RLF: variants seen among roughly 807,000 people sequenced by gnomAD.
RLF encodes the protein zinc finger protein Rlf.
A neutral mutation model predicts 162.9 loss-of-function variants in RLF; 7 were observed. The observed-to-expected ratio is 0.04, with a 90% CI of 0.02 to 0.08. RLF has a LOEUF of 0.08. Among genes scored for constraint, RLF ranks in the 10% least tolerant of loss-of-function variants. RLF has a pLI of 1.00. For synonymous variants in RLF, 782 were observed against 791.5 expected (o/e 0.99, Z 0.20); for missense variants, 1,664 against 2,244.7 (o/e 0.74, Z 5.23).
At chr1:40,179,580 A>G (rs1010284933) in intron 1 of RLF, among the ~76,000 whole-genome samples, 5 of 151,742 alleles carry the variant, frequency 3.3e-5, no homozygotes, top group Admixed American at 2.0e-4. Flanking sequence ...ATTGTGGTAA[A>G]GTATACGTAA....
At position 40,236,280 on chromosome 1, in the gene RLF, A is replaced by G; in HGVS notation, c.1578A>G (p.Arg526=). Residue 526 remains arginine, a synonymous_variant, in exon 8 of 8, where the codon AGA becomes AGG. Transcript: ENST00000372771. The surrounding 1 kb of genome is among the most constrained non-coding windows in gnomAD (Gnocchi z 7.7). ...AAGAAGATAAACAATATAGAAGAAG[A>G]GATTTGACAGATCAGCATAAGGAGA... ...EGKEDKQYRR[R]DLTDQHKEKR... 3 of 1,613,952 alleles carry G rather than the reference A, an allele frequency of 1.9e-6. No homozygotes were observed. Among genetic ancestry groups the G allele is most frequent in the Non-Finnish European group, 2.5e-6 (3 of 1,179,976 alleles).
chr1:40,165,739 T>C (rs1642155689), intron 1 of RLF, among the ~76,000 whole-genome samples: 1 of 152,210 alleles, frequency 6.6e-6, no homozygotes, highest in Non-Finnish European at 1.5e-5. Flanking sequence ...ATTATAAATA[T>C]AATCTTGTTC....
At position 40,161,443 on chromosome 1, in the gene RLF, G is replaced by A. The variant is rs868786819; in HGVS notation, c.44G>A (p.Gly15Glu). The change falls in exon 1 of 8, where the codon GGG becomes GAG. Residue 15 changes from glycine to glutamate, a missense_variant. Gly to Glu is a moderately conservative substitution (Grantham distance 98). Around this residue, in one of 15 missense-constraint regions of RLF, gnomAD observed 134 missense variants for 124.3 expected, o/e 1.08. Transcript: ENST00000372771. The surrounding 1 kb of genome is among the most constrained non-coding windows in gnomAD (Gnocchi z 4.4). ...KGDAAAVAGA[G>E]AEAPAVAGAG... ...GACGCCGCCGCTGTCGCCGGGGCTG[G>A]GGCTGAGGCTCCGGCGGTAGCGGGA... 6.3e-7 allele frequency: 1 copy of A among 1,576,386 alleles called. No homozygotes were observed.
rs1643075009 is a variant in RLF at position 40,226,320 on chromosome 1, T to C, written c.947+3610T>C. On this transcript the variant is annotated intron_variant, in intron 6 of 7. Coordinates refer to ENST00000372771, the MANE Select transcript of RLF (RefSeq NM_012421.4). The stretch of plus-strand genomic sequence containing the variant: ...GGAATAGTCATGCATTTGAAAAAGG[T>C]GACCATTTTGAGTGAGATGGTGTTT... Among the ~76,000 whole-genome samples, 3 of 152,280 alleles carry C rather than the reference T, an allele frequency of 2.0e-5. No individual in the cohort carries two copies. In the South Asian group the frequency reaches 6.2e-4, roughly 32 times the overall value.
At position 40,185,517 on chromosome 1, in the gene RLF, T is replaced by TAAAAAAA. The variant is rs769379758; in HGVS notation, c.238-3518_238-3512dup. On this transcript the variant is annotated intron_variant, in intron 1 of 7. Transcript: ENST00000372771. ...TAATCCTTTCAACCTAATCTTGCAT[T>TAAAAAAA]AAAAAAAAAAAAAAAAAAAAAAAAA... Among the ~76,000 whole-genome samples, 6 of 23,748 alleles carry TAAAAAAA rather than the reference T, an allele frequency of 2.5e-4. 1 individual carries two copies. Among genetic ancestry groups the TAAAAAAA allele is most frequent in the Admixed American group, 8.7e-4 (1 of 1,154 alleles). The allele number at this position is 23,748 out of a possible 152,430, so 15.6% of individuals were successfully genotyped here.
chr1:40,166,060 G>C (rs565154883), intron 1 of RLF, among the ~76,000 whole-genome samples: 7 of 152,136 alleles, frequency 4.6e-5, no homozygotes, highest in Admixed American at 4.6e-4. Flanking sequence ...TTTCTCCAAT[G>C]CATTCTATTA....
intron 1 of RLF, among the ~76,000 whole-genome samples, chr1:40,164,640 G>A (rs1450960512): frequency 6.6e-6 from 1 of 152,050 alleles, no homozygotes; most frequent in African/African-American, 2.4e-5. Context: ...AATTGATGAT[G>A]TCTTCTCAAG....
At chr1:40,200,920 ACACACACACACACACAC>A (rs1642705658) in intron 4 of RLF, among the ~76,000 whole-genome samples, 5 of 128,192 alleles carry the variant, frequency 3.9e-5, no homozygotes, top group Non-Finnish European at 8.2e-5. Context: ...ACACACACAC[ACACACACACACACACAC>A]ACTGGTTTAT....
At chr1:40,163,146 T>C (rs572748879) in intron 1 of RLF, among the ~76,000 whole-genome samples, 1 of 152,154 alleles carries the variant, frequency 6.6e-6, no homozygotes, top group South Asian at 2.1e-4. Flanking sequence ...AATTATAAAT[T>C]GTAGTATGTG....
chr1:40,172,305 A>T (rs1351458468), intron 1 of RLF, among the ~76,000 whole-genome samples: 1 of 152,166 alleles, frequency 6.6e-6, no homozygotes, highest in Non-Finnish European at 1.5e-5. Flanking sequence ...CCTTAAAAAC[A>T]CAAGTACTCA....
Position 40,239,258 on chromosome 1 carries a change from G to A in RLF, c.4556G>A (p.Gly1519Asp). 6.2e-7 allele frequency: 1 copy of A among 1,614,100 alleles called. No individual in the cohort carries two copies. Among genetic ancestry groups the A allele is most frequent in the Non-Finnish European group, 8.5e-7 (1 of 1,180,016 alleles). ...TTTAATGCTAAGTCTAAAAAATGTG[G>A]CTTAATCAAAGAAAAGAAAGCCCCA... is the stretch of plus-strand genomic sequence containing the variant. ...RSFNAKSKKC[G>D]LIKEKKAPIS... The change falls in exon 8 of 8, where the codon GGC (glycine) becomes GAC (aspartate). Residue 1519 changes from glycine (G) to aspartate (D), a missense_variant. Gly to Asp is a moderately conservative substitution (Grantham distance 94). Around this residue, in one of 15 missense-constraint regions of RLF, gnomAD observed 200 missense variants for 207.3 expected, o/e 0.96. Transcript: ENST00000372771.
chr1:40,218,814 G>A (rs1642957678), intron 5 of RLF, among the ~76,000 whole-genome samples: 1 of 152,204 alleles, frequency 6.6e-6, no homozygotes, highest in Non-Finnish European at 1.5e-5. Flanking sequence ...TGTAGGCACT[G>A]AAGATACAGT....
At chr1:40,207,623 G>T (rs75579113) in intron 5 of RLF, among the ~76,000 whole-genome samples, 7,893 of 151,692 alleles carry the variant, frequency 0.052, 593 homozygotes, top group African/African-American at 0.17. Flanking sequence ...GTTGAAAATT[G>T]TTTTTTTTGG....
chr1:40,161,568 G>C lies in RLF; in HGVS notation c.169G>C (p.Glu57Gln), dbSNP rs1259982268. 1 of 1,612,392 alleles carries C rather than the reference G, an allele frequency of 6.2e-7. No individual in the cohort carries two copies. The highest frequency in any genetic ancestry group is 1.1e-5 in the South Asian group (1 of 90,800). The stretch of plus-strand genomic sequence containing the variant: ...ACTGCGGCCGTGTCTGTGGCAGCTG[G>C]AGACAGAGCTGAGGGAGCAAGAGGT... ...SGLRPCLWQLETELREQEVSE... is the reference protein window; with the variant it reads ...SGLRPCLWQLQTELREQEVSE... Residue 57 changes from glutamate to glutamine, a missense_variant, in exon 1 of 8, where the codon GAG becomes CAG. Coordinates refer to ENST00000372771, the MANE Select transcript of RLF (RefSeq NM_012421.4). The surrounding 1 kb of genome is among the most constrained non-coding windows in gnomAD (Gnocchi z 4.4).
At chr1:40,211,529 A>G (rs1463417627) in intron 5 of RLF, among the ~76,000 whole-genome samples, 1 of 152,250 alleles carries the variant, frequency 6.6e-6, no homozygotes, top group Non-Finnish European at 1.5e-5. Flanking sequence ...AAATATACCA[A>G]TGCAAAACAT....
intron 5 of RLF, among the ~76,000 whole-genome samples, chr1:40,203,726 A>G (rs1284921254): frequency 6.6e-6 from 1 of 152,118 alleles, no homozygotes. Flanking sequence ...CTGCCATTCA[A>G]TTCTGACATA....
chr1:40,172,684 T>G (rs1380890089), intron 1 of RLF, among the ~76,000 whole-genome samples: 2 of 152,142 alleles, frequency 1.3e-5, no homozygotes, highest in East Asian at 3.9e-4. Context: ...GAGAATTGGT[T>G]GAACCCAGGA....
chr1:40,176,263 G>A (rs944311312), intron 1 of RLF, among the ~76,000 whole-genome samples: 2 of 152,196 alleles, frequency 1.3e-5, no homozygotes, highest in Admixed American at 6.5e-5. Context: ...TAAACACCTA[G>A]GTGGAATGGC....
At chr1:40,163,679 G>C (rs1229284916) in intron 1 of RLF, among the ~76,000 whole-genome samples, 8 of 152,108 alleles carry the variant, frequency 5.3e-5, no homozygotes, top group Non-Finnish European at 1.2e-4. Flanking sequence ...CTGTAACACT[G>C]TATTGTAATA....
Sources: gnomAD v4.1 joint callset for allele counts (sites outside exome capture counted in the v4.1 genomes callset) on GRCh38, gnomAD v4.1.1 for gene constraint, gnomAD v4.1.1 regional missense constraint, Gnocchi (gnomAD v3.1) non-coding constraint, MANE v1.5 for transcripts, NCBI Gene and HGNC (gene_info 2026-07-23, HGNC 2026-07-21) for gene names.